The following CHD2 variants were observed in gnomAD, a reference collection of about 807,000 sequenced individuals.
CHD2 encodes the protein chromodomain helicase DNA binding protein 2, also known as ATP-dependent chromatin remodeler CHD2.
A neutral mutation model predicts 243.9 loss-of-function variants in CHD2; 28 were observed. That is an observed-to-expected ratio of 0.11 (90% CI 0.09 to 0.16). The LOEUF (loss-of-function observed/expected upper bound fraction) is 0.16. Ranked by LOEUF, CHD2 falls within the 10% of genes least tolerant of loss-of-function variation. The pLI is 1.00. For missense variants in CHD2, 1,386 were observed against 2,209.8 expected, an observed-to-expected ratio of 0.63 and a Z score of 7.47; for synonymous variants, 775 against 779.0, an observed-to-expected ratio of 0.99 and a Z score of 0.09.
At chr15:92,971,397 A>G (rs2053839146) in intron 17 of CHD2, among the ~76,000 whole-genome samples, 1 of 152,150 alleles carries the variant, frequency 6.6e-6, no homozygotes, top group East Asian at 1.9e-4. Context: ...ACACACACAC[A>G]CTTAAATATG....
In CHD2 at chr15:92,978,254, G is replaced by A. The variant is rs953120105; in HGVS notation, c.2598G>A (p.Ser866=). The change falls in exon 21 of 39, where the codon TCG becomes TCA. Residue 866 remains serine (S), a synonymous_variant. Coordinates refer to ENST00000394196, the MANE Select transcript of CHD2 (RefSeq NM_001271.4). Reference sequence around the variant, plus strand: ...TACAGGACTTCTGTTTCCTGCTCTCGACAAGGGCTGGTGGCCTGGGAATCA... The same window carrying A: ...TACAGGACTTCTGTTTCCTGCTCTCAACAAGGGCTGGTGGCCTGGGAATCA... The part of the protein sequence containing the change: ...DGSEDFCFLL[S]TRAGGLGINL... 5 of 1,614,010 alleles carry A rather than the reference G, an allele frequency of 3.1e-6. No homozygotes were observed. Among genetic ancestry groups the A allele is most frequent in the Non-Finnish European group, 3.4e-6 (4 of 1,180,026 alleles).
chr15:92,920,146 C>CT (rs34347662), intron 2 of CHD2, among the ~76,000 whole-genome samples: 30 of 149,826 alleles, frequency 2.0e-4, no homozygotes, highest in East Asian at 1.2e-3. Context: ...AGAAAAACGG[C>CT]TTTTTTTTTT....
chr15:92,923,627 G>A (rs1377225708), intron 2 of CHD2, among the ~76,000 whole-genome samples: 1 of 148,470 alleles, frequency 6.7e-6, no homozygotes, highest in Non-Finnish European at 1.5e-5. Flanking sequence ...GTGCAGTGGC[G>A]TGATCTTGGC....
chr15:93,009,391 TAATAAA>T, intron 35 of CHD2, 68 bp downstream of exon 35: 1 of 1,468,126 alleles, frequency 6.8e-7, no homozygotes. Flanking sequence ...TGTTTTCTTT[TAATAAA>T]AGGTGGCATA....
At chr15:92,942,171 T>C (rs1047489884) in intron 8 of CHD2, among the ~76,000 whole-genome samples, 1 of 152,226 alleles carries the variant, frequency 6.6e-6, no homozygotes, top group Admixed American at 6.5e-5. Flanking sequence ...TAAGTGTCAA[T>C]GTTTTATAAA....
chr15:92,902,258 C>CTTGT (rs1408151047), intron 2 of CHD2: 1 of 397,668 alleles, frequency 2.5e-6, no homozygotes, highest in Non-Finnish European at 4.4e-6. Context: ...CTTGGAGTAC[C>CTTGT]TTGTTAGTGA....
At chr15:92,907,133 G>A (rs2052638289) in intron 2 of CHD2, among the ~76,000 whole-genome samples, 1 of 152,072 alleles carries the variant, frequency 6.6e-6, no homozygotes, top group Non-Finnish European at 1.5e-5. Context: ...CAAGTCTAGG[G>A]GGAGAGACAT....
intron 36 of CHD2, 61 bp downstream of exon 36, chr15:93,012,505 T>G: frequency 1.6e-6 from 2 of 1,269,396 alleles, no homozygotes; most frequent in Non-Finnish European, 2.2e-6. Flanking sequence ...GAAAAATCTC[T>G]TAATTTTTGT....
chr15:92,954,938 T>C (rs557812064), intron 14 of CHD2, among the ~76,000 whole-genome samples: 4 of 152,368 alleles, frequency 2.6e-5, no homozygotes, highest in African/African-American at 4.8e-5. Flanking sequence ...ACGTATTGCA[T>C]TATATTTTCA....
At chr15:92,909,465 C>T (rs1475701352) in intron 2 of CHD2, among the ~76,000 whole-genome samples, 2 of 152,170 alleles carry the variant, frequency 1.3e-5, no homozygotes, top group African/African-American at 2.4e-5. Flanking sequence ...GGTAATCTTT[C>T]ACTTTGGATT....
chr15:92,955,839 T>G (rs999198575), intron 15 of CHD2, among the ~76,000 whole-genome samples: 4 of 152,234 alleles, frequency 2.6e-5, no homozygotes, highest in Non-Finnish European at 5.9e-5. Flanking sequence ...GGTCAGTAAC[T>G]TACCTGAGAT....
chr15:92,943,346 A>G (rs1289944999), intron 9 of CHD2: 1 of 378,566 alleles, frequency 2.6e-6, no homozygotes, highest in Non-Finnish European at 4.9e-6. Context: ...TACTGTTATT[A>G]CCCATTTTGT....
chr15:92,969,538 A>G (rs556700870), intron 17 of CHD2, among the ~76,000 whole-genome samples: 13 of 152,346 alleles, frequency 8.5e-5, no homozygotes, highest in African/African-American at 2.4e-4. Flanking sequence ...TTTATGGACT[A>G]TGGCAAAGAT....
intron 2 of CHD2, among the ~76,000 whole-genome samples, chr15:92,921,835 G>C (rs2141739636): frequency 6.6e-6 from 1 of 152,312 alleles, no homozygotes; most frequent in Middle Eastern, 3.4e-3. Context: ...CCTGAGGTGA[G>C]CTAGGACTGA....
At position 92,964,804 on chromosome 15, in the gene CHD2, C is replaced by T. The variant is rs1306468120; in HGVS notation, c.2001-2521C>T. Among the ~76,000 whole-genome samples, 4 of 152,144 alleles carry T rather than the reference C, an allele frequency of 2.6e-5. No individual in the cohort carries two copies. The East Asian group carries it at 7.7e-4, about 29-fold the overall frequency. Reference sequence around the variant, plus strand: ...TTCGGCTTATAAAGACCATCATGTGCAAATATATACTTCAGACTTACCGCA... The same window carrying T: ...TTCGGCTTATAAAGACCATCATGTGTAAATATATACTTCAGACTTACCGCA... On this transcript the variant is annotated intron_variant, in intron 16 of 38. Coordinates refer to ENST00000394196, the MANE Select transcript of CHD2 (RefSeq NM_001271.4).
rs188266470 is a variant in CHD2, at chr15:92,998,869, G to A, written c.4008+248G>A. Among the ~76,000 whole-genome samples, 483 of 152,020 alleles carry A rather than the reference G, an allele frequency of 3.2e-3. 6 individuals are homozygous for A. Among genetic ancestry groups the A allele is most frequent in the African/African-American group, 0.011 (453 of 41,470 alleles). On this transcript the variant is annotated intron_variant, in intron 31 of 38. Transcript: ENST00000394196. This position sits in a 1 kb window ranked among gnomAD's most constrained non-coding sequence, Gnocchi z 5.1. ...GAGGCTGAGGCGGGCGGATCACAAG[G>A]TCAGGAGATTGAGACCATCCTGGCT...
At chr15:92,942,405 C>CT (rs202182060) in intron 8 of CHD2, among the ~76,000 whole-genome samples, 230 of 135,774 alleles carry the variant, frequency 1.7e-3, no homozygotes, top group African/African-American at 2.2e-3. Context: ...TTTCTTTTGG[C>CT]TTTTTTTTTT....
At chr15:92,964,966 T>C (rs2053737661) in intron 16 of CHD2, among the ~76,000 whole-genome samples, 1 of 152,192 alleles carries the variant, frequency 6.6e-6, no homozygotes, top group Non-Finnish European at 1.5e-5. Flanking sequence ...ATATTTACTG[T>C]GTGACTTTTA....
At chr15:92,990,019 A>G (rs1032578734) in intron 26 of CHD2, among the ~76,000 whole-genome samples, 1 of 152,108 alleles carries the variant, frequency 6.6e-6, no homozygotes, top group Non-Finnish European at 1.5e-5. Flanking sequence ...TCCAGTTGGT[A>G]ATGTTGCCTC....
Sources: allele counts gnomAD v4.1 joint callset (sites outside exome capture counted in the v4.1 genomes callset), GRCh38; gene constraint gnomAD v4.1.1; non-coding constraint Gnocchi (gnomAD v3.1); transcripts MANE v1.5; gene names NCBI Gene and HGNC (gene_info 2026-07-23, HGNC 2026-07-21).